TFCP2: variants seen among roughly 807,000 people sequenced by gnomAD.
TFCP2 encodes the protein transcription factor CP2, also known as alpha-globin transcription factor CP2.
Under a neutral mutation model 73.4 loss-of-function variants are expected in TFCP2, and 33 were observed. That is an observed-to-expected ratio of 0.45 (90% CI 0.34 to 0.60). TFCP2 has a LOEUF of 0.60. TFCP2 is among the 20% of genes least tolerant of loss of function. The pLI is 0.01. For missense variants in TFCP2, 352 were observed against 604.0 expected, an observed-to-expected ratio of 0.58 and a Z score of 4.37; for synonymous variants, 193 against 211.6, an observed-to-expected ratio of 0.91 and a Z score of 0.76.
intron 6 of TFCP2, among the ~76,000 whole-genome samples, chr12:51,108,437 A>G (rs183273444): frequency 2.0e-5 from 3 of 152,256 alleles, no homozygotes; most frequent in Non-Finnish European, 4.4e-5. Context: ...TGTATTATTC[A>G]ATCTCTTACA....
chr12:51,098,663 A>G (rs1258194044), intron 13 of TFCP2, 113 bp downstream of exon 13: 1 of 1,270,916 alleles, frequency 7.9e-7, no homozygotes. Flanking sequence ...GCAAAAAAGT[A>G]TGAAACCCTC....
At position 51,094,399 on chromosome 12, in the gene TFCP2, T is replaced by C. The variant is rs570508947; in HGVS notation, c.*842A>G. ...TCAGTTCATACTCAGTGTTATGTTG[T>C]AGTCACCAGAAGGGCCACAGTAATA... On this transcript the variant is annotated 3_prime_UTR_variant, in exon 15 of 15. Transcript: ENST00000257915. 6.6e-6 allele frequency: 1 copy of C among 152,354 alleles called. No homozygotes were observed. The highest frequency in any genetic ancestry group is 2.1e-4 in the South Asian group (1 of 4,830). 9.4% of individuals were successfully genotyped at this position (152,354 alleles called of 1,614,324 possible).
intron 1 of TFCP2, among the ~76,000 whole-genome samples, chr12:51,131,111 C>T (rs1005421512): frequency 1.5e-4 from 23 of 150,806 alleles, no homozygotes; most frequent in African/African-American, 4.6e-4. Flanking sequence ...GGGCGGATCA[C>T]GGGGTCAGGA....
At position 51,095,098 on chromosome 12, in the gene TFCP2, C is replaced by T; in HGVS notation, c.*143G>A. 1 of 885,732 alleles carries T rather than the reference C, an allele frequency of 1.1e-6. No individual in the cohort carries two copies. 54.9% of individuals were successfully genotyped at this position (885,732 alleles called of 1,614,324 possible). A position where few individuals can be genotyped will look rare whatever the true frequency, so the allele number is the denominator to read the frequency against. ...GCCAACACAGAGGGCCAGGATTCTGCCTCCATGGCCTGGACTCCTCCACAC... is the reference window on the plus strand; with the variant it reads ...GCCAACACAGAGGGCCAGGATTCTGTCTCCATGGCCTGGACTCCTCCACAC... On this transcript the variant is annotated 3_prime_UTR_variant, in exon 15 of 15. Coordinates refer to ENST00000257915, the MANE Select transcript of TFCP2 (RefSeq NM_005653.5).
chr12:51,102,918 T>C lies in TFCP2; in HGVS notation c.1060+752A>G, dbSNP rs113048103. Among the ~76,000 whole-genome samples the C allele has an allele frequency of 9.4e-3, 1,418 of 151,518 alleles. 14 individuals carry two copies. The highest frequency in any genetic ancestry group is 0.044 in the Middle Eastern group (13 of 294). On this transcript the variant is annotated intron_variant, in intron 10 of 14. Transcript: ENST00000257915. ...GTTTCGGTGCTTTTTTTTTTTTGGA[T>C]ACCAGATGATTAATGGGCTATTTGA...
At chr12:51,103,796 A>G (rs1451991534) in intron 9 of TFCP2, 33 bp from the exon 10 acceptor site, 1 of 1,555,268 alleles carries the variant, frequency 6.4e-7, no homozygotes, top group Non-Finnish European at 8.9e-7. Context: ...TAGATAACCA[A>G]ATAGATTTGT....
intron 10 of TFCP2, 63 bp from the exon 11 acceptor site, chr12:51,102,088 A>G (rs1263610377): frequency 6.0e-6 from 7 of 1,164,702 alleles, no homozygotes; most frequent in Non-Finnish European, 9.0e-6. Context: ...TGACTATTAA[A>G]ATGGGCTGTA....
intron 1 of TFCP2, among the ~76,000 whole-genome samples, chr12:51,155,212 G>T (rs1309283752): frequency 6.6e-6 from 1 of 152,304 alleles, no homozygotes; most frequent in African/African-American, 2.4e-5. Flanking sequence ...GCCTCGGTCT[G>T]AGAGTTATGC....
At chr12:51,105,882 G>T (rs1450059230) in intron 8 of TFCP2, among the ~76,000 whole-genome samples, 1 of 152,092 alleles carries the variant, frequency 6.6e-6, no homozygotes, top group Non-Finnish European at 1.5e-5. Flanking sequence ...TTTCAATATG[G>T]CTATGTGAAA....
chr12:51,120,796 G>A (rs1940647004), intron 1 of TFCP2, among the ~76,000 whole-genome samples: 1 of 151,366 alleles, frequency 6.6e-6, no homozygotes, highest in South Asian at 2.1e-4. Flanking sequence ...TTAGATGGGT[G>A]TGGAGACACA....
chr12:51,169,954 T>G lies in TFCP2; in HGVS notation c.122+2347A>C, dbSNP rs1941826892. ...GCATATGGTATTGCACCTAGTAGATTAACAAATGTTTGCTGGTGATGTTAA... is the reference window on the plus strand; with the variant it reads ...GCATATGGTATTGCACCTAGTAGATGAACAAATGTTTGCTGGTGATGTTAA... On this transcript the variant is annotated intron_variant, in intron 1 of 14. Coordinates refer to ENST00000257915, the MANE Select transcript of TFCP2 (RefSeq NM_005653.5). Among the ~76,000 whole-genome samples the G allele has an allele frequency of 3.9e-5, 6 of 152,354 alleles. No individual in the cohort carries two copies. The South Asian group carries it at 1.2e-3, about 32-fold the overall frequency.
At chr12:51,106,663 G>A (rs765759054) in intron 7 of TFCP2, 50 bp from the exon 8 acceptor site, 1 of 1,441,408 alleles carries the variant, frequency 6.9e-7, no homozygotes, top group Admixed American at 1.8e-5. Context: ...ATGACCCCAG[G>A]ATTTGACTAA....
chr12:51,097,103 T>C (rs543074552), intron 13 of TFCP2, among the ~76,000 whole-genome samples: 54 of 152,076 alleles, frequency 3.6e-4, no homozygotes, highest in Admixed American at 1.7e-3. Flanking sequence ...GGTGGGATTA[T>C]AGGCACGTGC....
In TFCP2 at chr12:51,164,336, C is replaced by T. The variant is rs12318936; in HGVS notation, c.122+7965G>A. On this transcript the variant is annotated intron_variant, in intron 1 of 14. Transcript: ENST00000257915. ...ACTCTTGGCCGGGTATGGTGGCTCA[C>T]GCCTGTAATCCCAGCACTTTGGGAG... Among the ~76,000 whole-genome samples, 1,142 of 152,232 alleles carry T rather than the reference C, an allele frequency of 7.5e-3. 14 individuals are homozygous for T. The highest frequency in any genetic ancestry group is 0.026 in the African/African-American group (1,062 of 41,548).
intron 1 of TFCP2, among the ~76,000 whole-genome samples, chr12:51,166,299 C>T (rs1592844877): frequency 1.3e-5 from 2 of 150,710 alleles, no homozygotes; most frequent in Admixed American, 1.3e-4. Context: ...GCAACAAGAT[C>T]GAAAACTCCA....
chr12:51,152,814 A>C (rs377147720), intron 1 of TFCP2, among the ~76,000 whole-genome samples: 13 of 152,366 alleles, frequency 8.5e-5, no homozygotes, highest in African/African-American at 3.1e-4. Context: ...ACACATAACA[A>C]AATTTACTAT....
At chr12:51,138,236 C>T (rs1159721063) in intron 1 of TFCP2, among the ~76,000 whole-genome samples, 1 of 152,036 alleles carries the variant, frequency 6.6e-6, no homozygotes, top group East Asian at 1.9e-4. Flanking sequence ...ACGACTTCCA[C>T]GTTCAAGTGA....
chr12:51,105,794 G>A (rs144839794), intron 8 of TFCP2, among the ~76,000 whole-genome samples: 1 of 152,092 alleles, frequency 6.6e-6, no homozygotes, highest in Non-Finnish European at 1.5e-5. Context: ...GTCAGACATA[G>A]AGCCTAAATA....
chr12:51,149,484 G>A (rs762156700), intron 1 of TFCP2, among the ~76,000 whole-genome samples: 29 of 151,860 alleles, frequency 1.9e-4, no homozygotes, highest in Non-Finnish European at 3.1e-4. Flanking sequence ...AATAAGAGGA[G>A]GACAAGAAAA....
Sources: allele counts gnomAD v4.1 joint callset (sites outside exome capture counted in the v4.1 genomes callset), GRCh38; gene constraint gnomAD v4.1.1; transcripts MANE v1.5; gene names NCBI Gene and HGNC (gene_info 2026-07-23, HGNC 2026-07-21).